The following VWA8 variants were observed in gnomAD, a reference collection of about 807,000 sequenced individuals.
VWA8 encodes von Willebrand factor A domain containing 8.
VWA8 carries 221 observed loss-of-function variants against 241.5 expected under a neutral mutation model. That is an observed-to-expected ratio of 0.91 (90% CI 0.82 to 1.02). VWA8 has a LOEUF of 1.02. Ranked by LOEUF, VWA8 falls within the 50% of genes least tolerant of loss-of-function variation. The pLI is 0.00. For missense variants in VWA8, 2,322 were observed against 2,328.7 expected, an observed-to-expected ratio of 1.00 and a Z score of 0.06; for synonymous variants, 852 against 827.1, an observed-to-expected ratio of 1.03 and a Z score of -0.52.
At chr13:41,718,706 T>A (rs901330861) in intron 26 of VWA8, among the ~76,000 whole-genome samples, 2 of 151,528 alleles carry the variant, frequency 1.3e-5, no homozygotes, top group East Asian at 1.9e-4. Flanking sequence ...ATTATATATA[T>A]ATATATATGC....
At chr13:41,751,138 TA>T (rs72243014) in intron 21 of VWA8, among the ~76,000 whole-genome samples, 31,830 of 147,594 alleles carry the variant, frequency 0.22, 3,303 homozygotes, top group Middle Eastern at 0.26. Flanking sequence ...AAATGTTAAA[TA>T]AAAAAAAAAT....
intron 29 of VWA8, among the ~76,000 whole-genome samples, chr13:41,694,658 A>T (rs1031019545): frequency 3.3e-5 from 5 of 152,110 alleles, no homozygotes; most frequent in African/African-American, 1.2e-4. Context: ...ATAAATATGT[A>T]CAACGTTAAA....
chr13:41,718,446 A>C (rs748156336), intron 26 of VWA8, among the ~76,000 whole-genome samples: 100 of 152,038 alleles, frequency 6.6e-4, no homozygotes, highest in South Asian at 1.4e-3. Context: ...AAAAGTGTGC[A>C]TTTGCAACTG....
At chr13:41,738,545 T>C (rs1041686079) in intron 21 of VWA8, among the ~76,000 whole-genome samples, 1 of 152,210 alleles carries the variant, frequency 6.6e-6, no homozygotes, top group African/African-American at 2.4e-5. Flanking sequence ...GCCATGCTGA[T>C]AATCAAGTCT....
intron 26 of VWA8, among the ~76,000 whole-genome samples, chr13:41,710,509 A>G (rs1204822596): frequency 6.6e-6 from 1 of 152,224 alleles, no homozygotes; most frequent in Non-Finnish European, 1.5e-5. Context: ...GACTATGACA[A>G]TATAAAACTC....
chr13:41,824,172 G>A (rs948229511), intron 14 of VWA8, among the ~76,000 whole-genome samples: 1 of 152,170 alleles, frequency 6.6e-6, no homozygotes, highest in Non-Finnish European at 1.5e-5. Flanking sequence ...GTCAGAGAAG[G>A]TTTCACAGAG....
At chr13:41,890,779 A>G (rs1236652140) in intron 5 of VWA8, among the ~76,000 whole-genome samples, 1 of 152,180 alleles carries the variant, frequency 6.6e-6, no homozygotes, top group Non-Finnish European at 1.5e-5. Flanking sequence ...GTGGAACAAG[A>G]AGCTATCAGG....
chr13:41,674,805 C>T (rs990941793), intron 36 of VWA8, among the ~76,000 whole-genome samples: 2 of 152,254 alleles, frequency 1.3e-5, no homozygotes, highest in South Asian at 2.1e-4. Flanking sequence ...TGCATAATAA[C>T]ATATATCAAA....
chr13:41,662,965 A>T (rs934555646), intron 37 of VWA8, among the ~76,000 whole-genome samples: 1 of 152,234 alleles, frequency 6.6e-6, no homozygotes, highest in African/African-American at 2.4e-5. Context: ...AATCAAAACC[A>T]GAAGACTCTG....
chr13:41,717,023 T>A (rs914837446), intron 26 of VWA8, among the ~76,000 whole-genome samples: 1 of 151,996 alleles, frequency 6.6e-6, no homozygotes, highest in African/African-American at 2.4e-5. Flanking sequence ...TAGTATCACA[T>A]ATTTTTATGT....
intron 21 of VWA8, among the ~76,000 whole-genome samples, chr13:41,748,577 GT>G (rs1335444683): frequency 6.6e-6 from 1 of 151,910 alleles, no homozygotes; most frequent in Non-Finnish European, 1.5e-5. Flanking sequence ...TTTTTGAAGG[GT>G]TTTTTTGTGT....
At chr13:41,943,319 G>A (rs2138154978) in intron 2 of VWA8, among the ~76,000 whole-genome samples, 1 of 152,246 alleles carries the variant, frequency 6.6e-6, no homozygotes, top group South Asian at 2.1e-4. Context: ...AATCACTACA[G>A]ATTCTCAGAT....
intron 12 of VWA8, among the ~76,000 whole-genome samples, chr13:41,837,062 T>C (rs2138009877): frequency 6.6e-6 from 1 of 151,740 alleles, no homozygotes; most frequent in Admixed American, 6.6e-5. Context: ...GATAGATAGA[T>C]AGATAGATAG....
intron 20 of VWA8, among the ~76,000 whole-genome samples, chr13:41,768,323 T>A (rs2045793572): frequency 1.3e-5 from 2 of 152,216 alleles, no homozygotes; most frequent in African/African-American, 4.8e-5. Context: ...AGGGCTTAGT[T>A]CAAATTATTA....
At chr13:41,913,267 T>C (rs2138115623) in intron 2 of VWA8, among the ~76,000 whole-genome samples, 1 of 152,322 alleles carries the variant, frequency 6.6e-6, no homozygotes, top group Admixed American at 6.5e-5. Context: ...TGTAAGTTGA[T>C]GATAACTGGA....
In VWA8 at chr13:41,699,352, T is replaced by C. The variant is rs545232650; in HGVS notation, c.3365-82A>G. ...AAGAGGTCTAGTGAAAACTGAATCA[T>C]GAATACACAGCTGGAACAGAGTTGG... is the stretch of plus-strand genomic sequence containing the variant. On this transcript the variant is annotated intron_variant, in intron 28 of 44. Coordinates refer to ENST00000379310, the MANE Select transcript of VWA8 (RefSeq NM_015058.2). 2.7e-4 allele frequency: 346 copies of C among 1,303,442 alleles called. No homozygotes were observed. In the African/African-American group the frequency reaches 4.5e-3, roughly 17 times the overall value. The allele number at this position is 1,303,442 out of a possible 1,614,324, so 80.7% of individuals were successfully genotyped here. A position where few individuals can be genotyped will look rare whatever the true frequency, so the allele number is the denominator to read the frequency against.
chr13:41,922,393 A>T (rs1413400472), intron 2 of VWA8, among the ~76,000 whole-genome samples: 1 of 152,254 alleles, frequency 6.6e-6, no homozygotes, highest in East Asian at 1.9e-4. Flanking sequence ...TCATGTCTAA[A>T]ACACCAAAAG....
intron 36 of VWA8, among the ~76,000 whole-genome samples, chr13:41,671,830 G>A (rs2045027732): frequency 6.6e-6 from 1 of 152,074 alleles, no homozygotes; most frequent in Non-Finnish European, 1.5e-5. Flanking sequence ...CTTTATTTTG[G>A]CTTTCCCAGC....
chr13:41,689,380 T>C lies in VWA8; in HGVS notation c.4105A>G (p.Ile1369Val), dbSNP rs370773201. Residue 1369 changes from isoleucine to valine, a missense_variant, in exon 34 of 45, where the codon ATA (isoleucine) becomes GTA (valine). Coordinates refer to ENST00000379310, the MANE Select transcript of VWA8 (RefSeq NM_015058.2). ...ATGAGATCTGGAAAACCAACAACTA[T>C]TGTAGCATAATTTTTCTCATCTGAG... is the stretch of plus-strand genomic sequence containing the variant. ...ILSDEKNYAT[I>V]VVGFPDLMSP... The C allele has an allele frequency of 3.4e-5, 54 of 1,611,202 alleles. No individual in the cohort carries two copies. The highest frequency in any genetic ancestry group is 6.8e-6 in the Non-Finnish European group (8 of 1,178,826).
Sources: allele counts gnomAD v4.1 joint callset (sites outside exome capture counted in the v4.1 genomes callset), GRCh38; gene constraint gnomAD v4.1.1; transcripts MANE v1.5; gene names NCBI Gene and HGNC (gene_info 2026-07-23, HGNC 2026-07-21).